MAP2K5: variants seen among roughly 807,000 people sequenced by gnomAD.
MAP2K5 encodes dual specificity mitogen-activated protein kinase kinase 5.
MAP2K5 carries 49 observed loss-of-function variants against 83.1 expected under a neutral mutation model. The ratio of observed to expected loss-of-function variants is 0.59; its 90% confidence interval spans 0.47 to 0.75. MAP2K5 has a LOEUF of 0.75. MAP2K5 is among the 30% of genes least tolerant of loss of function. The pLI is 0.00. For missense variants in MAP2K5, 457 were observed against 557.5 expected, an observed-to-expected ratio of 0.82 and a Z score of 1.82; for synonymous variants, 202 against 191.8, an observed-to-expected ratio of 1.05 and a Z score of -0.44.
intron 3 of MAP2K5, among the ~76,000 whole-genome samples, chr15:67,579,244 A>G (rs1379032864): frequency 6.6e-6 from 1 of 152,118 alleles, no homozygotes; most frequent in East Asian, 1.9e-4. Context: ...TTAATTTTCC[A>G]TGGAAACCTC....
intron 8 of MAP2K5, among the ~76,000 whole-genome samples, chr15:67,613,144 T>C (rs893196034): frequency 6.6e-6 from 1 of 152,186 alleles, no homozygotes; most frequent in African/African-American, 2.4e-5. Flanking sequence ...CAGCTGCCTA[T>C]GGCAGTTTAA....
At chr15:67,594,709 T>C (rs2085487238) in intron 7 of MAP2K5, among the ~76,000 whole-genome samples, 2 of 152,224 alleles carry the variant, frequency 1.3e-5, no homozygotes, top group Non-Finnish European at 2.9e-5. Context: ...TAAATGTTTA[T>C]TGCTTTCCCT....
chr15:67,640,068 CATATTAT>C lies in MAP2K5; in HGVS notation c.586-6160_586-6154del, dbSNP rs1161059584. Among the ~76,000 whole-genome samples, 3 of 152,246 alleles carry C rather than the reference CATATTAT, an allele frequency of 2.0e-5. No individual in the cohort carries two copies. The highest frequency in any genetic ancestry group is 4.1e-4 in the South Asian group (2 of 4,824). ...GCTGTTAGTATACCTGTACATTTCC[CATATTAT>C]ATTGAAAACTCTGTAAGTGGGGAAC... On this transcript the variant is annotated intron_variant, in intron 9 of 21. Transcript: ENST00000178640. This position sits in a 1 kb window ranked among gnomAD's most constrained non-coding sequence, Gnocchi z 4.6.
In MAP2K5 at chr15:67,542,728, TACCGCCGTCGCCGCCGCCG is replaced by T; in HGVS notation, c.-607_-589del. 1.0e-5 allele frequency: 1 copy of T among 97,808 alleles called. No homozygotes were observed. Among genetic ancestry groups the T allele is most frequent in the Non-Finnish European group, 2.5e-5 (1 of 39,516 alleles). The allele number at this position is 97,808 out of a possible 1,614,324, so 6.1% of individuals were successfully genotyped here. A position where few individuals can be genotyped will look rare whatever the true frequency, so the allele number is the denominator to read the frequency against. On this transcript the variant is annotated 5_prime_UTR_variant, in exon 1 of 22. Transcript: ENST00000178640. ...GCCTTCCTCCTCCTCCTCTCGCCGCTACCGCCGTCGCCGCCGCCGCAGCCGCCGCCAGTCCGCGCGGCCT... is the reference window on the plus strand; with the variant it reads ...GCCTTCCTCCTCCTCCTCTCGCCGCTCAGCCGCCGCCAGTCCGCGCGGCCT...
intron 1 of MAP2K5, chr15:67,549,095 C>A: frequency 3.3e-6 from 5 of 1,532,252 alleles, no homozygotes; most frequent in Non-Finnish European, 3.5e-6. Context: ...CTGCCTGGTG[C>A]CAGTTCTGCT....
intron 16 of MAP2K5, among the ~76,000 whole-genome samples, chr15:67,713,354 A>G (rs1417624506): frequency 6.6e-6 from 1 of 152,256 alleles, no homozygotes; most frequent in Non-Finnish European, 1.5e-5. Flanking sequence ...GACTCATTAG[A>G]TATCAAGAAA....
In MAP2K5 at chr15:67,576,937, T is replaced by A. The variant is rs1345068279; in HGVS notation, c.253-3817T>A. On this transcript the variant is annotated intron_variant, in intron 3 of 21. Transcript: ENST00000178640. ...GTAACCCTATATATATATTTTTTTTTTTTTTTTTTGAGACGGAGTCTCGCT... is the reference window on the plus strand; with the variant it reads ...GTAACCCTATATATATATTTTTTTTATTTTTTTTTGAGACGGAGTCTCGCT... Among the ~76,000 whole-genome samples the A allele has an allele frequency of 2.2e-4, 32 of 143,084 alleles. 2 individuals carry two copies. Among genetic ancestry groups the A allele is most frequent in the African/African-American group, 7.2e-4 (29 of 40,066 alleles). The allele number at this position is 143,084 out of a possible 152,430, so 93.9% of individuals were successfully genotyped here. A position where few individuals can be genotyped will look rare whatever the true frequency, so the allele number is the denominator to read the frequency against.
At chr15:67,696,573 AACC>A (rs2088266786) in intron 15 of MAP2K5, among the ~76,000 whole-genome samples, 1 of 152,204 alleles carries the variant, frequency 6.6e-6, no homozygotes, top group Non-Finnish European at 1.5e-5. Context: ...GGTACAGTGG[AACC>A]ACTCTATAAT....
chr15:67,761,251 TTCCC>T (rs2089943833), intron 19 of MAP2K5, among the ~76,000 whole-genome samples: 1 of 152,108 alleles, frequency 6.6e-6, no homozygotes, highest in African/African-American at 2.4e-5. Flanking sequence ...TTTCCTCTTC[TTCCC>T]TCCCTCCCTC....
chr15:67,715,237 G>A (rs199529382), intron 16 of MAP2K5, among the ~76,000 whole-genome samples: 16 of 110,188 alleles, frequency 1.5e-4, no homozygotes, highest in African/African-American at 4.6e-4. Context: ...TGGGCGGGGA[G>A]GGGGGGGGTC....
intron 11 of MAP2K5, among the ~76,000 whole-genome samples, chr15:67,651,646 A>G (rs538429533): frequency 2.0e-5 from 3 of 152,314 alleles, no homozygotes; most frequent in Non-Finnish European, 4.4e-5. Context: ...AGATTATTTC[A>G]TTTAAAATAA....
intron 12 of MAP2K5, among the ~76,000 whole-genome samples, chr15:67,664,214 C>G (rs1482826871): frequency 6.6e-6 from 1 of 151,132 alleles, no homozygotes; most frequent in Non-Finnish European, 1.5e-5. Context: ...AAGAGTTAGG[C>G]CAGGTGTGGT....
At chr15:67,592,519 T>C (rs2085436606) in intron 6 of MAP2K5, among the ~76,000 whole-genome samples, 1 of 152,242 alleles carries the variant, frequency 6.6e-6, no homozygotes, top group South Asian at 2.1e-4. Context: ...AGACCAGGAC[T>C]TAAATTATCT....
At chr15:67,730,281 G>A (rs1426396190) in intron 17 of MAP2K5, among the ~76,000 whole-genome samples, 2 of 152,106 alleles carry the variant, frequency 1.3e-5, no homozygotes. Flanking sequence ...TGTCACTGAG[G>A]CTGAGTTATG....
chr15:67,800,604 T>C (rs543710957), intron 21 of MAP2K5, among the ~76,000 whole-genome samples: 6 of 152,282 alleles, frequency 3.9e-5, no homozygotes, highest in Non-Finnish European at 7.4e-5. Context: ...AATGACCAAT[T>C]GTTCATATGA....
chr15:67,713,882 G>A (rs2088761357), intron 16 of MAP2K5, among the ~76,000 whole-genome samples: 1 of 152,162 alleles, frequency 6.6e-6, no homozygotes, highest in Admixed American at 6.5e-5. Flanking sequence ...TTTTTGAACT[G>A]TTAAAGAGCT....
At chr15:67,684,090 A>T (rs955008342) in intron 13 of MAP2K5, among the ~76,000 whole-genome samples, 3 of 152,218 alleles carry the variant, frequency 2.0e-5, no homozygotes, top group African/African-American at 7.2e-5. Flanking sequence ...AGGCAAGAAC[A>T]TGCAGAGAAA....
intron 13 of MAP2K5, among the ~76,000 whole-genome samples, chr15:67,685,841 T>C (rs1229251609): frequency 1.3e-5 from 2 of 152,254 alleles, no homozygotes; most frequent in Non-Finnish European, 2.9e-5. Context: ...TCGCCTGTTT[T>C]TACAAACACA....
intron 16 of MAP2K5, among the ~76,000 whole-genome samples, chr15:67,710,497 GTTTTTTTTTT>G (rs10609519): frequency 2.5e-5 from 2 of 81,032 alleles, no homozygotes; most frequent in South Asian, 4.5e-4. Flanking sequence ...ATCTTCTGAA[GTTTTTTTTTT>G]TTTTTTTTTT....
Sources: gnomAD v4.1 joint callset for allele counts (sites outside exome capture counted in the v4.1 genomes callset) on GRCh38, gnomAD v4.1.1 for gene constraint, Gnocchi (gnomAD v3.1) non-coding constraint, MANE v1.5 for transcripts, NCBI Gene and HGNC (gene_info 2026-07-23, HGNC 2026-07-21) for gene names.